THOP1: variants seen among roughly 807,000 people sequenced by gnomAD.
THOP1 encodes the protein thimet oligopeptidase.
In THOP1, 49 loss-of-function variants were observed where a neutral mutation model predicts 71.8. The observed-to-expected ratio is 0.68, with a 90% confidence interval of 0.54 to 0.87. THOP1 has a LOEUF of 0.87. THOP1 is among the 40% of genes least tolerant of loss of function. The pLI is 0.00. For missense variants in THOP1, 843 were observed against 975.6 expected, an observed-to-expected ratio of 0.86 and a Z score of 1.81; for synonymous variants, 426 against 421.5, an observed-to-expected ratio of 1.01 and a Z score of -0.13.
chr19:2,795,954 A>G (rs1386135288), intron 3 of THOP1, 127 bp from the exon 4 acceptor site: 1 of 651,146 alleles, frequency 1.5e-6, no homozygotes, highest in Non-Finnish European at 2.7e-6. Context: ...TCTGAGATAA[A>G]TGCCCAGGAG....
intron 2 of THOP1, among the ~76,000 whole-genome samples, chr19:2,791,697 T>C (rs1361341852): frequency 1.3e-5 from 2 of 152,208 alleles, no homozygotes; most frequent in Non-Finnish European, 1.5e-5. Context: ...TTCCCTCTTA[T>C]GGCGCCCAGC....
intron 9 of THOP1, among the ~76,000 whole-genome samples, chr19:2,809,222 A>G (rs1427689292): frequency 2.6e-5 from 4 of 152,182 alleles, no homozygotes; most frequent in African/African-American, 9.7e-5. Context: ...TACAGCGCTG[A>G]CGGGTTCACG....
At chr19:2,802,729 C>T (rs1390870923) in intron 5 of THOP1, among the ~76,000 whole-genome samples, 1 of 152,212 alleles carries the variant, frequency 6.6e-6, no homozygotes, top group Non-Finnish European at 1.5e-5. Context: ...TTGCCATGTC[C>T]ATGGATGACT....
At chr19:2,798,918 C>G (rs1916080353) in intron 4 of THOP1, among the ~76,000 whole-genome samples, 1 of 152,222 alleles carries the variant, frequency 6.6e-6, no homozygotes, top group South Asian at 2.1e-4. Flanking sequence ...CACCTCCCAG[C>G]CTTCAAGGCC....
intron 3 of THOP1, among the ~76,000 whole-genome samples, chr19:2,795,252 G>A (rs904987070): frequency 6.6e-6 from 1 of 152,162 alleles, no homozygotes; most frequent in Admixed American, 6.5e-5. Context: ...GAGCCACCAC[G>A]CCCGGCCACA....
intron 4 of THOP1, among the ~76,000 whole-genome samples, chr19:2,796,852 G>A (rs1599523130): frequency 6.6e-6 from 1 of 152,188 alleles, no homozygotes; most frequent in Admixed American, 6.5e-5. Context: ...GCTCGGTAAC[G>A]AGGGGAGCCC....
intron 8 of THOP1, 23 bp downstream of exon 8, chr19:2,807,831 G>A: frequency 1.4e-6 from 2 of 1,442,648 alleles, no homozygotes; most frequent in Non-Finnish European, 1.8e-6. Context: ...AGCGGGGGCG[G>A]GGGGCGCACC....
At chr19:2,797,947 G>A (rs755419753) in intron 4 of THOP1, among the ~76,000 whole-genome samples, 2 of 152,202 alleles carry the variant, frequency 1.3e-5, no homozygotes, top group Non-Finnish European at 2.9e-5. Context: ...GCGGAGTCAG[G>A]GTCCGTCTCA....
chr19:2,811,825 GCGGGGAC>G, intron 12 of THOP1, 91 bp downstream of exon 12: 2 of 1,509,302 alleles, frequency 1.3e-6, no homozygotes, highest in East Asian at 2.5e-5. Context: ...GGCAAGGTAC[GCGGGGAC>G]TGGGGACAGG....
At chr19:2,806,845 G>T in intron 6 of THOP1, 72 bp from the exon 7 acceptor site, 1 of 1,604,762 alleles carries the variant, frequency 6.2e-7, no homozygotes, top group South Asian at 1.1e-5. Context: ...TTGGCCCTGG[G>T]ACAGGGCGTG....
chr19:2,811,853 T>C lies in THOP1; in HGVS notation c.1908+119T>C, dbSNP rs1916480349. 4 of 1,371,290 alleles carry C rather than the reference T, an allele frequency of 2.9e-6. No homozygotes were observed. The Admixed American group carries it at 7.2e-5, about 25-fold the overall frequency. 84.9% of individuals were successfully genotyped at this position (1,371,290 alleles called of 1,614,324 possible). A position where few individuals can be genotyped will look rare whatever the true frequency, so the allele number is the denominator to read the frequency against. ...GGGACTGGGGACAGGGAGGGCGTCC[T>C]GAACGGCAAGGTACGCGGGGACTGG... On this transcript the variant is annotated intron_variant, in intron 12 of 12. Coordinates refer to ENST00000307741, the MANE Select transcript of THOP1 (RefSeq NM_003249.5).
In THOP1 at chr19:2,805,753, G is replaced by C. The variant is rs1030626605; in HGVS notation, c.750+577G>C. 6.6e-6 allele frequency among the ~76,000 whole-genome samples: 1 copy of C among 152,158 alleles called. No individual in the cohort carries two copies. Among genetic ancestry groups the C allele is most frequent in the African/African-American group, 2.4e-5 (1 of 41,436 alleles). Reference sequence around the variant, plus strand: ...CCCTGACGACACCAAGTTGGTGCTTGTGCGGCTGGCAAAAGGGGGATACAC... The same window carrying C: ...CCCTGACGACACCAAGTTGGTGCTTCTGCGGCTGGCAAAAGGGGGATACAC... On this transcript the variant is annotated intron_variant, in intron 6 of 12. Transcript: ENST00000307741. The surrounding 1 kb of genome is among the most constrained non-coding windows in gnomAD (Gnocchi z 6.6).
rs77130102 is a variant in THOP1, at chr19:2,810,258, G to A, written c.1456-46G>A. 8.5e-3 allele frequency: 13,528 copies of A among 1,591,818 alleles called. 917 individuals are homozygous for A. The African/African-American group carries it at 0.15, about 18-fold the overall frequency. ...ACACGGGCCAGGCCGGCGGGAACGG[G>A]CTAGGCAGGACCTGGGCACTCTGAG... is the stretch of plus-strand genomic sequence containing the variant. On this transcript the variant is annotated intron_variant, in intron 9 of 12. Coordinates refer to ENST00000307741, the MANE Select transcript of THOP1 (RefSeq NM_003249.5).
chr19:2,811,076 A>G (rs1356803196), intron 11 of THOP1, among the ~76,000 whole-genome samples: 1 of 152,236 alleles, frequency 6.6e-6, no homozygotes, highest in Admixed American at 6.5e-5. Flanking sequence ...AGCCTGGAGA[A>G]GTACAGGAAG....
Position 2,804,891 on chromosome 19 carries a change from C to A in THOP1, c.590-125C>A. On this transcript the variant is annotated intron_variant, in intron 5 of 12. Coordinates refer to ENST00000307741, the MANE Select transcript of THOP1 (RefSeq NM_003249.5). This position sits in a 1 kb window ranked among gnomAD's most constrained non-coding sequence, Gnocchi z 4.7. ...GCAGCGGGTGGTGGCCAGGCTGCAG[C>A]TGCTCGCTGAGGGCCCCCTTGTAGC... 1.1e-6 allele frequency: 1 copy of A among 942,344 alleles called. No individual in the cohort carries two copies. Among genetic ancestry groups the A allele is most frequent in the Non-Finnish European group, 1.5e-6 (1 of 652,982 alleles). 58.4% of individuals were successfully genotyped at this position (942,344 alleles called of 1,614,324 possible).
rs367810472 is a variant in THOP1, at chr19:2,806,792, GA to G, written c.751-124del. On this transcript the variant is annotated intron_variant, in intron 6 of 12. Coordinates refer to ENST00000307741, the MANE Select transcript of THOP1 (RefSeq NM_003249.5). The stretch of plus-strand genomic sequence containing the variant: ...GGAGTTGTGTAGTAACACAGGCCGA[GA>G]GGGGCAGGGACCGGAGGTCAGACGG... The G allele has an allele frequency of 6.2e-5, 94 of 1,525,354 alleles. 1 individual carries two copies. In the African/African-American group the frequency reaches 9.4e-4, roughly 15 times the overall value. The allele number at this position is 1,525,354 out of a possible 1,614,324, so 94.5% of individuals were successfully genotyped here.
chr19:2,786,249 G>A (rs980011336), intron 1 of THOP1, among the ~76,000 whole-genome samples: 1 of 152,150 alleles, frequency 6.6e-6, no homozygotes, highest in Admixed American at 6.5e-5. Flanking sequence ...AACGTAACGA[G>A]GGGACCTTTT....
chr19:2,809,048 G>A (rs1172215144), intron 9 of THOP1, among the ~76,000 whole-genome samples: 1 of 152,210 alleles, frequency 6.6e-6, no homozygotes, highest in Non-Finnish European at 1.5e-5. Flanking sequence ...CTAGCACACA[G>A]TCAGCAATCG....
rs995014780 is a variant in THOP1, at chr19:2,801,916, C to T, written c.589+2125C>T. Among the ~76,000 whole-genome samples, 3 of 152,036 alleles carry T rather than the reference C, an allele frequency of 2.0e-5. No individual in the cohort carries two copies. Among genetic ancestry groups the T allele is most frequent in the Admixed American group, 6.5e-5 (1 of 15,272 alleles). On this transcript the variant is annotated intron_variant, in intron 5 of 12. Transcript: ENST00000307741. The surrounding 1 kb of genome is among the most constrained non-coding windows in gnomAD (Gnocchi z 5.1). ...ATTCCTGAAGGCAGAGGCCACATGA[C>T]CCAGCTGCCTCTTGAAGGCCCCAGT... is the stretch of plus-strand genomic sequence containing the variant.
Sources: gnomAD v4.1 joint callset for allele counts (sites outside exome capture counted in the v4.1 genomes callset) on GRCh38, gnomAD v4.1.1 for gene constraint, Gnocchi (gnomAD v3.1) non-coding constraint, MANE v1.5 for transcripts, NCBI Gene and HGNC (gene_info 2026-07-23, HGNC 2026-07-21) for gene names.